PKD1L1: variants seen among roughly 807,000 people sequenced by gnomAD.
PKD1L1 encodes the protein polycystin-1-like protein 1.
PKD1L1 carries 236 observed loss-of-function variants against 323.4 expected under a neutral mutation model. The ratio of observed to expected loss-of-function variants is 0.73; its 90% CI spans 0.66 to 0.81. The LOEUF is 0.81. Ranked by LOEUF, PKD1L1 falls within the 40% of genes least tolerant of loss-of-function variation. PKD1L1 has a pLI of 0.00. For synonymous variants in PKD1L1, 1,344 were observed against 1,335.0 expected, an observed-to-expected ratio of 1.01 and a Z score of -0.15; for missense variants, 3,320 against 3,508.0, an observed-to-expected ratio of 0.95 and a Z score of 1.35.
At chr7:47,862,410 C>A (rs1235629115) in intron 26 of PKD1L1, among the ~76,000 whole-genome samples, 1 of 152,064 alleles carries the variant, frequency 6.6e-6, no homozygotes, top group Non-Finnish European at 1.5e-5. Context: ...GGTAGGAGGA[C>A]AGGGCCATCC....
chr7:47,805,116 CACACAT>C (rs1191675498), intron 52 of PKD1L1, among the ~76,000 whole-genome samples: 1 of 135,740 alleles, frequency 7.4e-6, no homozygotes, highest in Non-Finnish European at 1.7e-5. Flanking sequence ...CACACACACA[CACACAT>C]TCAAATCCTA....
intron 36 of PKD1L1, 46 bp from the exon 37 acceptor site, chr7:47,837,140 T>C (rs778146998): frequency 6.2e-7 from 1 of 1,600,794 alleles, no homozygotes; most frequent in Non-Finnish European, 8.5e-7. Context: ...GGAGCATTTC[T>C]GTCAGCAAAG....
At chr7:47,847,258 C>A (rs1785685750) in intron 31 of PKD1L1, among the ~76,000 whole-genome samples, 187 bp from the exon 32 acceptor site, 2 of 152,116 alleles carry the variant, frequency 1.3e-5, no homozygotes. Flanking sequence ...TTAAATCCAC[C>A]CAGTCAAAGC....
intron 45 of PKD1L1, among the ~76,000 whole-genome samples, chr7:47,822,309 T>G (rs979232421): frequency 6.6e-6 from 1 of 151,984 alleles, no homozygotes; most frequent in Non-Finnish European, 1.5e-5. Context: ...TGTGGTATTT[T>G]GCCGGGCGCA....
chr7:47,877,587 C>T lies in PKD1L1; in HGVS notation c.3565G>A (p.Val1189Ile). The T allele has an allele frequency of 6.2e-7, 1 of 1,614,166 alleles. No individual in the cohort carries two copies. Residue 1189 changes from valine (V) to isoleucine (I), a missense_variant, in exon 22 of 57, where the codon GTC (valine) becomes ATC (isoleucine). Transcript: ENST00000289672. ...LLGKAQLYLTVNPAPRDMACQ... is the reference protein window; with the variant it reads ...LLGKAQLYLTINPAPRDMACQ... ...GCCATGTCCCGAGGAGCCGGGTTGA[C>T]TGTCAAGTACAGCTGAGCTTTACCC...
At chr7:47,862,829 C>T (rs1208631684) in intron 26 of PKD1L1, among the ~76,000 whole-genome samples, 1 of 152,098 alleles carries the variant, frequency 6.6e-6, no homozygotes, top group Non-Finnish European at 1.5e-5. Flanking sequence ...AGGAGCCAGA[C>T]ACTGCAGGTG....
intron 2 of PKD1L1, among the ~76,000 whole-genome samples, chr7:47,942,762 T>C (rs1447297005): frequency 1.3e-5 from 2 of 152,124 alleles, no homozygotes; most frequent in African/African-American, 4.8e-5. Context: ...ACAGTCTTGG[T>C]TGTTCTCGAA....
chr7:47,882,833 G>C (rs1275951118), intron 19 of PKD1L1, among the ~76,000 whole-genome samples: 1 of 152,126 alleles, frequency 6.6e-6, no homozygotes, highest in Non-Finnish European at 1.5e-5. Context: ...ACAACAGCCT[G>C]GTTTGTGGTG....
At chr7:47,952,447 C>A (rs1433856816), upstream of PKD1L1, among the ~76,000 whole-genome samples, 1 of 152,160 alleles carries the variant, frequency 6.6e-6, no homozygotes, top group African/African-American at 2.4e-5. Context: ...CCTTGCTCCG[C>A]CCCATGGGCT....
intron 29 of PKD1L1, 21 bp downstream of exon 29, chr7:47,855,134 A>C (rs2128741667): frequency 6.2e-7 from 1 of 1,611,898 alleles, no homozygotes; most frequent in East Asian, 2.2e-5. Context: ...AAGTAGAGAT[A>C]CTGAGAAAGG....
chr7:47,934,566 T>C (rs1374771386), intron 4 of PKD1L1, among the ~76,000 whole-genome samples: 1 of 152,222 alleles, frequency 6.6e-6, no homozygotes, highest in African/African-American at 2.4e-5. Context: ...GTTCTTAATG[T>C]AGTGATTTTC....
At chr7:47,905,060 A>G in intron 11 of PKD1L1, 97 bp downstream of exon 11, 1 of 1,337,704 alleles carries the variant, frequency 7.5e-7, no homozygotes, top group South Asian at 1.4e-5. Context: ...CAAATGCAAC[A>G]GCCATAAAAT....
At position 47,857,770 on chromosome 7, in the gene PKD1L1, G is replaced by A. The variant is rs1176136561; in HGVS notation, c.4425C>T (p.Tyr1475=). ...GQMEFRTLLH[Y]NLQSSVQSLG... is the part of the protein sequence containing the mutation. ...GGCTCTGGACAGAGCTCTGAAGGTT[G>A]TAATGAAGAAGGGTCCGGAACTCCA... Residue 1475 remains tyrosine, a synonymous_variant, in exon 28 of 57, where the codon TAC becomes TAT. Transcript: ENST00000289672. 2 of 1,614,060 alleles carry A rather than the reference G, an allele frequency of 1.2e-6. No individual in the cohort carries two copies. The highest frequency in any genetic ancestry group is 1.3e-5 in the African/African-American group (1 of 74,922).
At chr7:47,796,289 G>C in intron 54 of PKD1L1, 139 bp from the exon 55 acceptor site, 1 of 915,342 alleles carries the variant, frequency 1.1e-6, no homozygotes, top group Non-Finnish European at 1.5e-6. Context: ...GTGATTTCTT[G>C]GTGAAAAAAA....
intron 27 of PKD1L1, 114 bp downstream of exon 27, chr7:47,858,559 C>T: frequency 1.1e-6 from 1 of 940,970 alleles, no homozygotes; most frequent in Non-Finnish European, 1.6e-6. Flanking sequence ...AGAATGAACA[C>T]AGTACTTCAG....
Position 47,843,105 on chromosome 7 carries a change from C to A in PKD1L1, c.5302G>T (p.Val1768Phe). 1 of 1,613,552 alleles carries A rather than the reference C, an allele frequency of 6.2e-7. No homozygotes were observed. Among genetic ancestry groups the A allele is most frequent in the Non-Finnish European group, 8.5e-7 (1 of 1,179,820 alleles). ...TGATCTACTTGTCTACTTTTAGCGA[C>A]CAAAAATCCATAAAGAATCACAGAA... The part of the protein sequence containing the change: ...MGSVILYGFL[V>F]AKSRQVDHHE... The change falls in exon 34 of 57, where the codon GTC becomes TTC. Residue 1768 changes from valine to phenylalanine, a missense_variant. Coordinates refer to ENST00000289672, the MANE Select transcript of PKD1L1 (RefSeq NM_138295.5).
At chr7:47,896,797 C>T (rs1321433563) in intron 14 of PKD1L1, among the ~76,000 whole-genome samples, 2 of 152,108 alleles carry the variant, frequency 1.3e-5, no homozygotes, top group Admixed American at 6.5e-5. Flanking sequence ...TCAGATGCTC[C>T]CCACCACCCC....
At chr7:47,889,302 T>G (rs527409432) in intron 16 of PKD1L1, among the ~76,000 whole-genome samples, 42 of 152,352 alleles carry the variant, frequency 2.8e-4, no homozygotes, top group African/African-American at 1.0e-3. Flanking sequence ...TCTGTAATTA[T>G]CTCATGAGTA....
At chr7:47,933,170 A>G (rs775430750) in intron 4 of PKD1L1, among the ~76,000 whole-genome samples, 4 of 152,180 alleles carry the variant, frequency 2.6e-5, no homozygotes, top group Non-Finnish European at 5.9e-5. Context: ...ACTCCACTTG[A>G]GCTAAACAAT....
Sources: allele counts gnomAD v4.1 joint callset (sites outside exome capture counted in the v4.1 genomes callset), GRCh38; gene constraint gnomAD v4.1.1; transcripts MANE v1.5; gene names NCBI Gene and HGNC (gene_info 2026-07-23, HGNC 2026-07-21).